The following WDR27 variants were observed in gnomAD, a reference collection of about 807,000 sequenced individuals.
WDR27 encodes WD repeat domain 27.
Under a neutral mutation model 114.4 loss-of-function variants are expected in WDR27, and 100 were observed. That is an observed-to-expected ratio of 0.87 (90% CI 0.74 to 1.03). WDR27 has a LOEUF of 1.03. WDR27 is among the 50% of genes least tolerant of loss of function. The pLI is 0.00. For missense variants in WDR27, 1,129 were observed against 1,092.9 expected (o/e 1.03, Z -0.47); for synonymous variants, 449 against 423.1 (o/e 1.06, Z -0.75).
chr6:169,546,805 G>A (rs1797507325), intron 25 of WDR27, among the ~76,000 whole-genome samples: 1 of 152,154 alleles, frequency 6.6e-6, no homozygotes, highest in Admixed American at 6.5e-5. Context: ...AACAATAACT[G>A]TACTAGGGGC....
In WDR27 at chr6:169,665,629, T is replaced by TAAAA. The variant is rs1827644479; in HGVS notation, c.713-74_713-73insTTTT. ...CAATTAACCCGAGAACTGTCAGTTT[T>TAAAA]ACTTATCTCTTTACACGTAATATTT... On this transcript the variant is annotated intron_variant, in intron 6 of 25. Coordinates refer to ENST00000448612, the MANE Select transcript of WDR27 (RefSeq NM_182552.5). The TAAAA allele has an allele frequency of 2.2e-6, 3 of 1,381,620 alleles. No individual in the cohort carries two copies. In the East Asian group the frequency reaches 7.0e-5, roughly 32 times the overall value. 85.6% of individuals were successfully genotyped at this position (1,381,620 alleles called of 1,614,324 possible).
chr6:169,580,213 A>G (rs1386442881), intron 24 of WDR27, among the ~76,000 whole-genome samples: 2 of 152,234 alleles, frequency 1.3e-5, no homozygotes, highest in African/African-American at 4.8e-5. Context: ...TTCCTTCAAA[A>G]CAGCAGCACC....
intron 23 of WDR27, among the ~76,000 whole-genome samples, chr6:169,585,473 G>A (rs1370834353): frequency 6.6e-6 from 1 of 152,090 alleles, no homozygotes; most frequent in Non-Finnish European, 1.5e-5. Context: ...TGAGCAACAT[G>A]GTGGCTAGAG....
chr6:169,613,654 AC>A lies in WDR27; in HGVS notation c.2225del (p.Gly742ValfsTer16), dbSNP rs566702918. On this transcript the variant is annotated frameshift_variant and splice_region_variant, in exon 22 of 26. Transcript: ENST00000448612. LOFTEE classifies it high-confidence loss of function. The stretch of plus-strand genomic sequence containing the variant: ...GAGGCTGTTGGGTTGTAAATGATGA[AC>A]CCTATAATTTTAAGGGGGAAATCAA... ...RPVHQICQNK[G>X]SSFTTQQPQA... 16,332 of 1,611,154 alleles carry A rather than the reference AC, an allele frequency of 0.01. 107 individuals carry two copies. Among genetic ancestry groups the A allele is most frequent in the Non-Finnish European group, 0.012 (14,077 of 1,177,650 alleles).
At chr6:169,571,148 AT>A (rs1303396461) in intron 25 of WDR27, among the ~76,000 whole-genome samples, 1 of 152,174 alleles carries the variant, frequency 6.6e-6, no homozygotes, top group African/African-American at 2.4e-5. Flanking sequence ...TCCTCCAGGT[AT>A]ATGCTTATGT....
intron 22 of WDR27, among the ~76,000 whole-genome samples, chr6:169,612,245 C>A (rs1324748242): frequency 1.3e-5 from 2 of 150,908 alleles, no homozygotes; most frequent in African/African-American, 4.9e-5. Context: ...CGGTGAGACC[C>A]CATCTCTACT....
At chr6:169,454,783 T>C (rs1460676293), downstream of WDR27, among the ~76,000 whole-genome samples, 1 of 152,218 alleles carries the variant, frequency 6.6e-6, no homozygotes, top group Non-Finnish European at 1.5e-5. Flanking sequence ...TCACAGCCTG[T>C]AATCACGGAG....
chr6:169,453,123 CA>C (rs1210267372), downstream of WDR27, among the ~76,000 whole-genome samples: 2 of 152,358 alleles, frequency 1.3e-5, no homozygotes, highest in East Asian at 3.9e-4. Flanking sequence ...ATATAGAACA[CA>C]AGCTGCTTGT....
chr6:169,588,300 A>G (rs1164284880), intron 23 of WDR27, among the ~76,000 whole-genome samples: 1 of 152,226 alleles, frequency 6.6e-6, no homozygotes, highest in Non-Finnish European at 1.5e-5. Context: ...CTTGACTGAG[A>G]ATGTGCATAC....
intron 24 of WDR27, among the ~76,000 whole-genome samples, chr6:169,580,974 C>T (rs969934682): frequency 9.3e-5 from 13 of 139,936 alleles, no homozygotes; most frequent in African/African-American, 1.3e-4. Flanking sequence ...TATATAAATT[C>T]GGTATATGAT....
chr6:169,614,951 A>T (rs1428593555), intron 21 of WDR27, among the ~76,000 whole-genome samples: 1 of 152,184 alleles, frequency 6.6e-6, no homozygotes, highest in Non-Finnish European at 1.5e-5. Flanking sequence ...AGAGTAAAAA[A>T]CTGAACAGAA....
intron 25 of WDR27, among the ~76,000 whole-genome samples, chr6:169,555,863 AT>A (rs1191952917): frequency 6.6e-6 from 1 of 152,216 alleles, no homozygotes; most frequent in Non-Finnish European, 1.5e-5. Context: ...CACCAGTGAA[AT>A]TTAGCGGGAA....
chr6:169,483,114 G>A (rs898729655), intron 25 of WDR27, among the ~76,000 whole-genome samples: 1 of 152,012 alleles, frequency 6.6e-6, no homozygotes, highest in East Asian at 1.9e-4. Flanking sequence ...GTAACATGAC[G>A]ACTAAAAGAA....
At chr6:169,437,468 C>T in the WDR27 span, among the ~76,000 whole-genome samples, 1 of 152,008 alleles carries the variant, frequency 6.6e-6, no homozygotes, top group Admixed American at 6.5e-5. Context: ...TCTTATTTTA[C>T]AGTTTCTACC....
chr6:169,515,345 A>G (rs566070760), intron 25 of WDR27, among the ~76,000 whole-genome samples: 19 of 152,324 alleles, frequency 1.2e-4, no homozygotes, highest in Non-Finnish European at 2.4e-4. Context: ...AGGCTTTAGG[A>G]ATGTGTGCCT....
intron 2 of WDR27, among the ~76,000 whole-genome samples, chr6:169,672,861 C>T (rs992505709): frequency 4.6e-5 from 7 of 152,160 alleles, no homozygotes; most frequent in African/African-American, 1.7e-4. Flanking sequence ...TTGGCAACTA[C>T]ACAAGGAATG....
chr6:169,686,934 A>G (rs1453941002), intron 2 of WDR27, among the ~76,000 whole-genome samples: 1 of 152,210 alleles, frequency 6.6e-6, no homozygotes, highest in Non-Finnish European at 1.5e-5. Flanking sequence ...TGGAAACTTA[A>G]AAAGTGGATC....
intron 22 of WDR27, among the ~76,000 whole-genome samples, chr6:169,607,643 G>T (rs759024640): frequency 6.6e-6 from 1 of 152,076 alleles, no homozygotes; most frequent in African/African-American, 2.4e-5. Context: ...GGGTGGGAAG[G>T]GGATGCAGGA....
rs553973667 is a variant in WDR27, at chr6:169,481,517, C to T, written c.2646-23883G>A. Among the ~76,000 whole-genome samples the T allele has an allele frequency of 8.5e-5, 13 of 152,248 alleles. No homozygotes were observed. The South Asian group carries it at 1.9e-3, about 22-fold the overall frequency. ...GCAATAAATCTTGCTGCTGCTCACT[C>T]TTCGGGTTCGTGGCGCCTTTATGAG... On this transcript the variant is annotated intron_variant, in intron 25 of 25. Transcript: ENST00000448612.
Sources: allele counts gnomAD v4.1 joint callset (sites outside exome capture counted in the v4.1 genomes callset), GRCh38; gene constraint gnomAD v4.1.1; transcripts MANE v1.5; gene names NCBI Gene and HGNC (gene_info 2026-07-23, HGNC 2026-07-21).